Variants in PGCKA1 observed in about 807,000 individuals in gnomAD.
PGCKA1 encodes PDCD10 and GCKIII kinases associated 1.
the PGCKA1 span, among the ~76,000 whole-genome samples, chr4:37,539,753 A>G: frequency 5.6e-3 from 854 of 152,316 alleles, 12 homozygotes; most frequent in African/African-American, 0.019. Context: ...ATTAATGGGG[A>G]ATTGGCATGA....
At chr4:37,579,844 T>A in the PGCKA1 span, among the ~76,000 whole-genome samples, 1 of 152,190 alleles carries the variant, frequency 6.6e-6, no homozygotes, top group African/African-American at 2.4e-5. Flanking sequence ...TCTCTGTTAT[T>A]ATCTCTTTGA....
At chr4:37,574,890 C>T in the PGCKA1 span, among the ~76,000 whole-genome samples, 1 of 152,178 alleles carries the variant, frequency 6.6e-6, no homozygotes. Flanking sequence ...TGGCTTATTT[C>T]ACTTAACATA....
At chr4:37,534,000 C>T in the PGCKA1 span, among the ~76,000 whole-genome samples, 1 of 152,150 alleles carries the variant, frequency 6.6e-6, no homozygotes, top group South Asian at 2.1e-4. Context: ...AAGGAAACCC[C>T]GATCAAAGTT....
At chr4:37,553,136 G>T in the PGCKA1 span, among the ~76,000 whole-genome samples, 1 of 147,672 alleles carries the variant, frequency 6.8e-6, no homozygotes, top group East Asian at 2.0e-4. Flanking sequence ...CAGGCATCAG[G>T]TCTTCCCCAT....
chr4:37,507,181 G>T, the PGCKA1 span, among the ~76,000 whole-genome samples: 1 of 151,792 alleles, frequency 6.6e-6, no homozygotes, highest in Non-Finnish European at 1.5e-5. Context: ...CTTTATAAAA[G>T]AATTGTATTT....
At chr4:37,531,966 G>T in the PGCKA1 span, among the ~76,000 whole-genome samples, 20 of 148,218 alleles carry the variant, frequency 1.3e-4, no homozygotes, top group African/African-American at 4.4e-4. Context: ...TTTTACTATT[G>T]TCCATGCTTT....
At chr4:37,525,916 G>A in the PGCKA1 span, among the ~76,000 whole-genome samples, 1 of 152,294 alleles carries the variant, frequency 6.6e-6, no homozygotes, top group Non-Finnish European at 1.5e-5. Flanking sequence ...AATGGACAGT[G>A]GAGTTGCATT....
the PGCKA1 span, among the ~76,000 whole-genome samples, chr4:37,477,520 T>C: frequency 6.6e-6 from 1 of 152,184 alleles, no homozygotes; most frequent in East Asian, 1.9e-4. Flanking sequence ...ATTGAAATAC[T>C]TTATTTAAAT....
At chr4:37,538,474 A>G in the PGCKA1 span, among the ~76,000 whole-genome samples, 2 of 152,214 alleles carry the variant, frequency 1.3e-5, no homozygotes, top group Non-Finnish European at 2.9e-5. Flanking sequence ...TAAAAGAGAC[A>G]CACCTTGCCA....
At chr4:37,473,843 T>C in the PGCKA1 span, among the ~76,000 whole-genome samples, 1 of 152,168 alleles carries the variant, frequency 6.6e-6, no homozygotes, top group African/African-American at 2.4e-5. Context: ...CCTGCCCCCC[T>C]ACACAGCTAC....
chr4:37,590,932 G>A, the PGCKA1 span: 2 of 1,614,242 alleles, frequency 1.2e-6, no homozygotes, highest in Non-Finnish European at 1.7e-6. Context: ...CGAGGATGCA[G>A]CGGTGGCGGA....
chr4:37,514,873 G>A, the PGCKA1 span, among the ~76,000 whole-genome samples: 1 of 152,196 alleles, frequency 6.6e-6, no homozygotes, highest in Non-Finnish European at 1.5e-5. Flanking sequence ...TCATTTGGTA[G>A]CTAAGCCAGG....
the PGCKA1 span, among the ~76,000 whole-genome samples, chr4:37,494,111 G>T: frequency 7.2e-5 from 11 of 152,086 alleles, no homozygotes; most frequent in Non-Finnish European, 1.3e-4. Context: ...TTGCTGGATT[G>T]CACGGTAGCT....
chr4:37,473,323 G>C, the PGCKA1 span, among the ~76,000 whole-genome samples: 1 of 152,122 alleles, frequency 6.6e-6, no homozygotes, highest in Non-Finnish European at 1.5e-5. Flanking sequence ...TATTCATTAT[G>C]TTTAAGATAA....
the PGCKA1 span, chr4:37,588,683 C>G: frequency 1.8e-6 from 1 of 566,376 alleles, no homozygotes. Flanking sequence ...TGGGGTATTC[C>G]TGGTAACCAG....
At chr4:37,550,201 G>A in the PGCKA1 span, among the ~76,000 whole-genome samples, 1 of 152,134 alleles carries the variant, frequency 6.6e-6, no homozygotes, top group Non-Finnish European at 1.5e-5. Context: ...GTAAGACTAA[G>A]GACTGGTCCT....
the PGCKA1 span, among the ~76,000 whole-genome samples, chr4:37,573,764 G>C: frequency 6.6e-6 from 1 of 152,150 alleles, no homozygotes; most frequent in Admixed American, 6.5e-5. Flanking sequence ...AAGTAGAATT[G>C]CTGAGTCAGA....
the PGCKA1 span, among the ~76,000 whole-genome samples, chr4:37,552,357 G>T: frequency 6.6e-6 from 1 of 152,140 alleles, no homozygotes; most frequent in Admixed American, 6.5e-5. Flanking sequence ...TTGTGCACTT[G>T]GGGAGCTCAG....
the PGCKA1 span, among the ~76,000 whole-genome samples, chr4:37,540,966 G>A: frequency 2.1e-5 from 3 of 145,698 alleles, no homozygotes; most frequent in African/African-American, 5.0e-5. Flanking sequence ...TTCCTTTCAT[G>A]GAAGTTAAAG....
Sources: allele counts gnomAD v4.1 joint callset (sites outside exome capture counted in the v4.1 genomes callset), GRCh38; gene constraint gnomAD v4.1.1; transcripts MANE v1.5; gene names NCBI Gene and HGNC (gene_info 2026-07-23, HGNC 2026-07-21).